Variants in CDKL5 observed in about 807,000 individuals in gnomAD.
CDKL5 encodes the protein cyclin-dependent kinase-like 5.
Under a neutral mutation model 61.7 loss-of-function variants are expected in CDKL5, and 8 were observed. That is an observed-to-expected ratio of 0.13 (90% CI 0.08 to 0.23). CDKL5 has a LOEUF of 0.23. Ranked by LOEUF, CDKL5 falls within the 10% of genes least tolerant of loss-of-function variation. CDKL5 has a pLI of 1.00. For missense variants in CDKL5, 440 were observed against 734.5 expected (o/e 0.60, Z 4.63); for synonymous variants, 275 against 272.3 (o/e 1.01, Z -0.10).
intron 4 of CDKL5, among the ~76,000 whole-genome samples, chrX:18,568,572 T>C (rs775064333): frequency 8.9e-6 from 1 of 112,371 alleles, no homozygotes; most frequent in Non-Finnish European, 1.9e-5. Flanking sequence ...TACAGTAAAA[T>C]TGTAGGCTAG....
chrX:18,578,467 C>T, intron 5 of CDKL5, among the ~76,000 whole-genome samples: 1 of 111,171 alleles, frequency 9.0e-6, no homozygotes, highest in East Asian at 2.8e-4. Flanking sequence ...GTCTTATGGC[C>T]CCTTCACACT....
chrX:18,439,157 C>T (rs976384942), intron 1 of CDKL5, among the ~76,000 whole-genome samples: 6 of 102,597 alleles, frequency 5.8e-5, no homozygotes, highest in Non-Finnish European at 2.0e-5. Context: ...TATAGTTATG[C>T]CTGTCCTGTG....
At chrX:18,426,085 C>T (rs1931360057) in intron 1 of CDKL5, 1 of 112,547 alleles carries the variant, frequency 8.9e-6, no homozygotes, top group South Asian at 3.6e-4. Context: ...CGAGGTAAGC[C>T]CCTTCCCGCC....
At chrX:18,567,485 A>G (rs1162029806) in intron 4 of CDKL5, among the ~76,000 whole-genome samples, 1 of 111,919 alleles carries the variant, frequency 8.9e-6, no homozygotes, top group East Asian at 2.8e-4. Flanking sequence ...TAGGATCTGC[A>G]CTTGGTCTGA....
intron 3 of CDKL5, among the ~76,000 whole-genome samples, chrX:18,551,961 A>G (rs940266481): frequency 2.7e-5 from 3 of 109,942 alleles, no homozygotes; most frequent in African/African-American, 9.9e-5. Flanking sequence ...AAAAAAACCG[A>G]AATGTGGCCA....
Position 18,615,776 on chromosome X carries a change from T to A in CDKL5, c.2276+2501T>A, listed in dbSNP as rs145576420. On this transcript the variant is annotated intron_variant, in intron 15 of 17. Transcript: ENST00000623535. ...GGTCAGTCTGTTTTTCCTTGGTAGTTGTACTTCAGATTTACTTCAGGAAGA... is the reference window on the plus strand; with the variant it reads ...GGTCAGTCTGTTTTTCCTTGGTAGTAGTACTTCAGATTTACTTCAGGAAGA... 4.3e-3 allele frequency among the ~76,000 whole-genome samples: 488 copies of A among 112,264 alleles called. 2 individuals are homozygous for A. The highest frequency in any genetic ancestry group is 0.041 in the Middle Eastern group (9 of 217).
At chrX:18,520,999 A>G (rs929002945) in intron 3 of CDKL5, among the ~76,000 whole-genome samples, 1 of 112,368 alleles carries the variant, frequency 8.9e-6, no homozygotes, top group African/African-American at 3.2e-5. Flanking sequence ...TTGGCCTCCC[A>G]AAGTGTTGGG....
intron 21 of CDKL5, among the ~76,000 whole-genome samples, chrX:18,651,264 T>TGA (rs1191836877): frequency 0.013 from 901 of 68,958 alleles, 10 homozygotes; most frequent in African/African-American, 0.019. Flanking sequence ...TGTGTGTGTG[T>TGA]GAGAGAGAGA....
rs181650996 is a variant in CDKL5, at chrX:18,498,387, G to C, written c.-162-8548G>C. Among the ~76,000 whole-genome samples, 331 of 111,872 alleles carry C rather than the reference G, an allele frequency of 3.0e-3. 3 individuals carry two copies. The highest frequency in any genetic ancestry group is 8.9e-3 in the African/African-American group (273 of 30,820). The stretch of plus-strand genomic sequence containing the variant: ...TATATTATTAGCTCACAGTTCTGTA[G>C]GTTCCCAGCCTGATCTTTTTATTAC... On this transcript the variant is annotated intron_variant, in intron 1 of 17. Coordinates refer to ENST00000623535, the MANE Select transcript of CDKL5 (RefSeq NM_001323289.2).
At chrX:18,564,612 G>T (rs1924907381) in intron 4 of CDKL5, 90 bp downstream of exon 4, 1 of 278,215 alleles carries the variant, frequency 3.6e-6, no homozygotes, top group Non-Finnish European at 6.0e-6. Flanking sequence ...GAAGAAGTGG[G>T]ATCTAGCTGG....
intron 10 of CDKL5, among the ~76,000 whole-genome samples, chrX:18,596,666 G>A (rs1367065964): frequency 1.8e-5 from 2 of 111,842 alleles, no homozygotes; most frequent in Non-Finnish European, 3.8e-5. Context: ...CATGGATTGG[G>A]ACCTCAATAA....
chrX:18,434,228 A>G (rs1931562564), intron 1 of CDKL5, among the ~76,000 whole-genome samples: 1 of 111,655 alleles, frequency 9.0e-6, no homozygotes, highest in Admixed American at 9.6e-5. Context: ...TTTTGGGTAC[A>G]TATAGGAGAG....
chrX:18,432,911 G>A (rs1316382940), intron 1 of CDKL5, among the ~76,000 whole-genome samples: 1 of 112,341 alleles, frequency 8.9e-6, no homozygotes, highest in Non-Finnish European at 1.9e-5. Flanking sequence ...ACTGTGCCTG[G>A]TCTAAAAGAT....
In CDKL5 at chrX:18,508,742, GTTTC is replaced by G. The variant is rs762747847; in HGVS notation, c.64+1590_64+1593del. On this transcript the variant is annotated intron_variant, in intron 2 of 17. Coordinates refer to ENST00000623535, the MANE Select transcript of CDKL5 (RefSeq NM_001323289.2). ...GTTATCAGAACTACCATTGCTGTAT[GTTTC>G]TTTCTTTGGAAAGCACCTCACATGT... 1.1e-4 allele frequency among the ~76,000 whole-genome samples: 12 copies of G among 109,484 alleles called. No individual in the cohort carries two copies. In the South Asian group the frequency reaches 4.7e-3, roughly 43 times the overall value.
intron 16 of CDKL5, among the ~76,000 whole-genome samples, chrX:18,620,693 C>T (rs1263304658): frequency 3.6e-5 from 4 of 111,391 alleles, no homozygotes; most frequent in Admixed American, 9.6e-5. Flanking sequence ...GAGGCTGCAT[C>T]CCCCTTTTCT....
chrX:18,573,275 T>C (rs56386130), intron 4 of CDKL5, among the ~76,000 whole-genome samples: 2 of 111,388 alleles, frequency 1.8e-5, no homozygotes, highest in African/African-American at 3.3e-5. Context: ...TGTTTCTTAT[T>C]TGAGATCTGT....
chrX:18,498,879 C>G (rs927809582), intron 1 of CDKL5, among the ~76,000 whole-genome samples: 1 of 111,343 alleles, frequency 9.0e-6, no homozygotes, highest in Non-Finnish European at 1.9e-5. Context: ...CTGTGATTCT[C>G]GTGCCTCAGC....
At chrX:18,451,403 G>T (rs1049135160) in intron 1 of CDKL5, among the ~76,000 whole-genome samples, 31 of 111,393 alleles carry the variant, frequency 2.8e-4, no homozygotes, top group African/African-American at 9.1e-4. Context: ...TGTTTGTCAG[G>T]CTGGTCTTGA....
intron 1 of CDKL5, among the ~76,000 whole-genome samples, chrX:18,450,339 A>G (rs969917950): frequency 4.5e-5 from 5 of 112,038 alleles, no homozygotes; most frequent in Non-Finnish European, 9.4e-5. Context: ...GAAGTGCCCA[A>G]CACAGTACTT....
Sources: gnomAD v4.1 joint callset for allele counts (sites outside exome capture counted in the v4.1 genomes callset) on GRCh38, gnomAD v4.1.1 for gene constraint, MANE v1.5 for transcripts, NCBI Gene and HGNC (gene_info 2026-07-23, HGNC 2026-07-21) for gene names.